CERT1: variants seen among roughly 807,000 people sequenced by gnomAD.
CERT1 encodes ceramide transporter 1, also known as ceramide transfer protein.
In CERT1, 31 loss-of-function variants were observed where a neutral mutation model predicts 87.9. The observed-to-expected ratio is 0.35, with a 90% confidence interval of 0.27 to 0.48. The LOEUF (loss-of-function observed/expected upper bound fraction) is 0.48. CERT1 is among the 20% of genes least tolerant of loss of function. The pLI, the probability that CERT1 is intolerant of heterozygous loss-of-function variation, is 0.99. For missense variants in CERT1, 487 were observed against 758.0 expected (o/e 0.64, Z 4.20); for synonymous variants, 289 against 250.9 (o/e 1.15, Z -1.44).
chr5:75,370,553 ACTGTAAC>A (rs1465505971), intron 17 of CERT1: 1 of 152,170 alleles, frequency 6.6e-6, no homozygotes, highest in Non-Finnish European at 1.5e-5. Context: ...TTCATTGTAA[ACTGTAAC>A]CCATTACACA....
intron 2 of CERT1, among the ~76,000 whole-genome samples, chr5:75,461,901 A>T (rs1291143279): frequency 1.3e-5 from 2 of 152,106 alleles, no homozygotes; most frequent in African/African-American, 4.8e-5. Context: ...TGTATTATGC[A>T]ATAAAGCTCA....
At position 75,381,133 on chromosome 5, in the gene CERT1, T is replaced by C. The variant is rs138391738; in HGVS notation, c.1686A>G (p.Pro562=). Residue 562 remains proline, a synonymous_variant, in exon 16 of 17, where the codon CCA becomes CCG. Transcript: ENST00000643780. Reference sequence around the variant, plus strand: ...CCCTGCTAATTTCCTGGTTTCCCTCTGGTGGGCTTACCAAGGTTTGACAAA... The same window carrying C: ...CCCTGCTAATTTCCTGGTTTCCCTCCGGTGGGCTTACCAAGGTTTGACAAA... ...AMICQTLVSP[P]EGNQEISRDN... 20 of 1,614,036 alleles carry C rather than the reference T, an allele frequency of 1.2e-5. No individual in the cohort carries two copies. Among genetic ancestry groups the C allele is most frequent in the Non-Finnish European group, 1.5e-5 (18 of 1,180,006 alleles).
intron 4 of CERT1, 39 bp downstream of exon 4, chr5:75,426,332 T>C (rs1242922987): frequency 3.6e-6 from 5 of 1,403,126 alleles, no homozygotes; most frequent in Non-Finnish European, 5.1e-6. Context: ...CTAAACTCAA[T>C]TTATGTTGTT....
intron 2 of CERT1, among the ~76,000 whole-genome samples, chr5:75,483,385 A>G (rs1352992453): frequency 1.3e-5 from 2 of 152,174 alleles, no homozygotes; most frequent in Non-Finnish European, 2.9e-5. Context: ...AAGATCTACA[A>G]AATACCCCCA....
intron 11 of CERT1, 64 bp downstream of exon 11, chr5:75,399,246 T>C (rs1762373978): frequency 8.1e-7 from 1 of 1,239,068 alleles, no homozygotes; most frequent in Non-Finnish European, 1.2e-6. Context: ...TTCTAGGAAC[T>C]GGGAAAGCAG....
intron 2 of CERT1, among the ~76,000 whole-genome samples, chr5:75,479,922 T>C (rs999105548): frequency 7.9e-5 from 12 of 152,218 alleles, no homozygotes; most frequent in African/African-American, 2.9e-4. Context: ...TATGTAAGTG[T>C]TACCTTTTCT....
At chr5:75,462,234 T>C (rs1390645350) in intron 2 of CERT1, among the ~76,000 whole-genome samples, 2 of 152,188 alleles carry the variant, frequency 1.3e-5, no homozygotes, top group African/African-American at 2.4e-5. Context: ...ATATAAGATA[T>C]GATCTAAGGC....
intron 2 of CERT1, among the ~76,000 whole-genome samples, chr5:75,479,291 C>CT (rs891968952): frequency 1.3e-4 from 20 of 151,016 alleles, no homozygotes; most frequent in African/African-American, 2.9e-4. Context: ...TTTTTACAGT[C>CT]TTTTTTTTTA....
At chr5:75,473,063 G>A (rs565461613) in intron 2 of CERT1, among the ~76,000 whole-genome samples, 2 of 152,154 alleles carry the variant, frequency 1.3e-5, no homozygotes, top group South Asian at 4.2e-4. Context: ...GAACACAATG[G>A]AATACTACGC....
intron 8 of CERT1, among the ~76,000 whole-genome samples, chr5:75,409,832 T>G (rs1378786147): frequency 8.5e-6 from 1 of 117,912 alleles, no homozygotes; most frequent in African/African-American, 3.0e-5. Flanking sequence ...GGCCAACACG[T>G]TTTTTTTTTT....
intron 2 of CERT1, among the ~76,000 whole-genome samples, chr5:75,504,986 G>A (rs1767586227): frequency 6.6e-6 from 1 of 152,060 alleles, no homozygotes; most frequent in Non-Finnish European, 1.5e-5. Context: ...TATATACTAA[G>A]TTAAATGTAA....
At chr5:75,484,600 T>C (rs1480391683) in intron 2 of CERT1, among the ~76,000 whole-genome samples, 1 of 149,014 alleles carries the variant, frequency 6.7e-6, no homozygotes, top group Admixed American at 6.7e-5. Context: ...GGCTTAGCTA[T>C]TCTTAGACAA....
intron 6 of CERT1, among the ~76,000 whole-genome samples, chr5:75,419,046 T>C (rs1763261696): frequency 6.6e-6 from 1 of 152,148 alleles, no homozygotes; most frequent in South Asian, 2.1e-4. Context: ...AATCCAGAAA[T>C]AAACCCTCGC....
At chr5:75,453,398 T>C (rs770681676) in intron 3 of CERT1, among the ~76,000 whole-genome samples, 7 of 152,190 alleles carry the variant, frequency 4.6e-5, no homozygotes, top group African/African-American at 9.7e-5. Flanking sequence ...GTCTAAATAA[T>C]ATAGATATGA....
chr5:75,402,819 A>G, intron 9 of CERT1, 153 bp downstream of exon 9: 1 of 492,040 alleles, frequency 2.0e-6, no homozygotes, highest in Admixed American at 3.4e-5. Flanking sequence ...AAAAAAGATT[A>G]TTTTACATTT....
intron 2 of CERT1, among the ~76,000 whole-genome samples, chr5:75,497,582 T>C (rs1046794637): frequency 6.6e-6 from 1 of 152,060 alleles, no homozygotes; most frequent in Non-Finnish European, 1.5e-5. Context: ...AATTGAATCA[T>C]GGGGGCGATG....
chr5:75,409,275 G>A (rs1302450744), intron 8 of CERT1, among the ~76,000 whole-genome samples: 1 of 151,916 alleles, frequency 6.6e-6, no homozygotes. Flanking sequence ...ATTTTAGAAG[G>A]GATAAATTGA....
intron 2 of CERT1, among the ~76,000 whole-genome samples, chr5:75,463,798 G>T (rs748975237): frequency 6.6e-6 from 1 of 152,308 alleles, no homozygotes; most frequent in Middle Eastern, 3.4e-3. Context: ...AAAATCAGGG[G>T]TCTATAGAGG....
rs1346984165 is a variant in CERT1, at chr5:75,379,248, T to C, written c.*98A>G. The stretch of plus-strand genomic sequence containing the variant: ...CTCTATAGGGGAACATCAAAAAACA[T>C]AGTAAATACTTTCAACAACTAAATT... On this transcript the variant is annotated 3_prime_UTR_variant, in exon 17 of 17. Coordinates refer to ENST00000643780, the MANE Select transcript of CERT1 (RefSeq NM_001379029.1). The C allele has an allele frequency of 1.3e-5, 14 of 1,094,016 alleles. No homozygotes were observed. Among genetic ancestry groups the C allele is most frequent in the African/African-American group, 4.7e-5 (3 of 63,376 alleles). 67.8% of individuals were successfully genotyped at this position (1,094,016 alleles called of 1,614,324 possible).
Sources: allele counts gnomAD v4.1 joint callset (sites outside exome capture counted in the v4.1 genomes callset), GRCh38; gene constraint gnomAD v4.1.1; transcripts MANE v1.5; gene names NCBI Gene and HGNC (gene_info 2026-07-23, HGNC 2026-07-21).